CNTNAP2: variants seen among roughly 807,000 people sequenced by gnomAD.
CNTNAP2 encodes contactin-associated protein-like 2.
In CNTNAP2, 98 loss-of-function variants were observed where a neutral mutation model predicts 155.2. That is an observed-to-expected ratio of 0.63 (90% CI 0.54 to 0.75). The LOEUF is 0.75. Among genes scored for constraint, CNTNAP2 ranks in the 30% least tolerant of loss-of-function variants. The pLI is 0.00. For missense variants in CNTNAP2, 1,727 were observed against 1,688.1 expected, an observed-to-expected ratio of 1.02 and a Z score of -0.40; for synonymous variants, 651 against 631.2, an observed-to-expected ratio of 1.03 and a Z score of -0.47.
At chr7:147,443,588 G>GT (rs2116553794) in intron 10 of CNTNAP2, among the ~76,000 whole-genome samples, 1 of 152,274 alleles carries the variant, frequency 6.6e-6, no homozygotes, top group South Asian at 2.1e-4. Context: ...CGGTGTCCTA[G>GT]TAGGGGGATG....
At chr7:148,046,117 G>A (rs927643558) in intron 15 of CNTNAP2, among the ~76,000 whole-genome samples, 2 of 152,040 alleles carry the variant, frequency 1.3e-5, no homozygotes, top group African/African-American at 4.8e-5. Context: ...GTCTCACTCT[G>A]TTGCCCAGGC....
chr7:146,526,771 C>T (rs752374960), intron 1 of CNTNAP2, among the ~76,000 whole-genome samples: 7 of 152,028 alleles, frequency 4.6e-5, no homozygotes, highest in African/African-American at 7.2e-5. Flanking sequence ...AAACATTTTG[C>T]CATATTTCAA....
intron 14 of CNTNAP2, among the ~76,000 whole-genome samples, chr7:147,963,735 G>A (rs1032599062): frequency 3.3e-5 from 5 of 152,052 alleles, no homozygotes; most frequent in African/African-American, 9.7e-5. Flanking sequence ...ATAAGCCAAC[G>A]ATGCTGTTTC....
At chr7:146,999,758 G>C (rs2129240640) in intron 3 of CNTNAP2, among the ~76,000 whole-genome samples, 1 of 152,102 alleles carries the variant, frequency 6.6e-6, no homozygotes, top group Non-Finnish European at 1.5e-5. Flanking sequence ...TGGCTTATTA[G>C]AGCTCTCGTC....
In CNTNAP2 at chr7:147,949,060, G is replaced by A. The variant is rs187564445; in HGVS notation, c.2256-28802G>A. Among the ~76,000 whole-genome samples the A allele has an allele frequency of 3.1e-3, 467 of 151,966 alleles. 1 individual carries two copies. Among genetic ancestry groups the A allele is most frequent in the Middle Eastern group, 0.01 (3 of 294 alleles). On this transcript the variant is annotated intron_variant, in intron 14 of 23. Coordinates refer to ENST00000361727, the MANE Select transcript of CNTNAP2 (RefSeq NM_014141.6). ...CTACTAAAAATACAAAATTAGCTGG[G>A]TGTGGTGGTGGATGCCTGTAATCCC... is the stretch of plus-strand genomic sequence containing the variant.
At chr7:146,188,629 T>G (rs1798656828) in intron 1 of CNTNAP2, among the ~76,000 whole-genome samples, 1 of 152,224 alleles carries the variant, frequency 6.6e-6, no homozygotes, top group Non-Finnish European at 1.5e-5. Flanking sequence ...AAGTAATATG[T>G]CATTTCAGGT....
chr7:147,253,231 T>C (rs371270372), intron 8 of CNTNAP2, among the ~76,000 whole-genome samples: 3 of 152,136 alleles, frequency 2.0e-5, no homozygotes, highest in East Asian at 3.9e-4. Flanking sequence ...GATTGGAGCA[T>C]AGGCACTGTG....
At chr7:146,815,232 A>G (rs1803142279) in intron 2 of CNTNAP2, among the ~76,000 whole-genome samples, 1 of 152,160 alleles carries the variant, frequency 6.6e-6, no homozygotes, top group Non-Finnish European at 1.5e-5. Flanking sequence ...AACAATTTCA[A>G]TAATTCAGTA....
chr7:147,603,975 G>A (rs910398052), intron 12 of CNTNAP2, among the ~76,000 whole-genome samples: 1 of 151,746 alleles, frequency 6.6e-6, no homozygotes, highest in Admixed American at 6.6e-5. Context: ...ATGGGGAAAG[G>A]ATTCCCTATT....
intron 1 of CNTNAP2, among the ~76,000 whole-genome samples, chr7:146,284,075 A>G (rs1800291416): frequency 1.3e-5 from 2 of 152,252 alleles, no homozygotes; most frequent in Non-Finnish European, 2.9e-5. Context: ...AAGCAATTTG[A>G]AATGTGAATT....
chr7:146,762,067 G>A (rs990512981), intron 1 of CNTNAP2, among the ~76,000 whole-genome samples: 1 of 151,740 alleles, frequency 6.6e-6, no homozygotes, highest in Admixed American at 6.6e-5. Flanking sequence ...CATACCCAGG[G>A]GACTAAATAT....
intron 1 of CNTNAP2, among the ~76,000 whole-genome samples, chr7:146,716,390 A>G (rs1801189756): frequency 6.6e-6 from 1 of 152,120 alleles, no homozygotes; most frequent in Admixed American, 6.6e-5. Context: ...CTCAAAACAA[A>G]ACAACTTGAG....
chr7:147,831,407 AC>A (rs1489445291), intron 13 of CNTNAP2, among the ~76,000 whole-genome samples: 3 of 152,226 alleles, frequency 2.0e-5, no homozygotes, highest in Non-Finnish European at 4.4e-5. Flanking sequence ...ATTTTGTGAC[AC>A]ATGATTTTTT....
At chr7:148,373,453 T>A (rs1015816571) in intron 21 of CNTNAP2, among the ~76,000 whole-genome samples, 1 of 152,068 alleles carries the variant, frequency 6.6e-6, no homozygotes, top group Non-Finnish European at 1.5e-5. Flanking sequence ...AGACTCAGTC[T>A]CAAAAAACAA....
chr7:147,416,952 A>AGTGGT (rs1362999614), intron 10 of CNTNAP2, among the ~76,000 whole-genome samples: 5 of 151,958 alleles, frequency 3.3e-5, no homozygotes, highest in Non-Finnish European at 1.5e-5. Flanking sequence ...AGCCTGGCAT[A>AGTGGT]GTGGTGTGCA....
intron 13 of CNTNAP2, among the ~76,000 whole-genome samples, chr7:147,813,754 A>T (rs1798217913): frequency 6.6e-6 from 1 of 152,216 alleles, no homozygotes; most frequent in Non-Finnish European, 1.5e-5. Flanking sequence ...CACGGAGGAA[A>T]ATCTCACTTC....
intron 3 of CNTNAP2, chr7:146,915,881 A>G (rs895572772): frequency 6.6e-6 from 1 of 152,134 alleles, no homozygotes; most frequent in Non-Finnish European, 1.5e-5. Context: ...GAAAGTGGGC[A>G]TCCTTGCCTT....
chr7:147,813,612 C>T (rs1798215580), intron 13 of CNTNAP2, among the ~76,000 whole-genome samples: 1 of 152,170 alleles, frequency 6.6e-6, no homozygotes. Flanking sequence ...CAAAAAAAGT[C>T]TCTCTAGAAA....
chr7:147,602,596 G>A (rs564597004), intron 12 of CNTNAP2, among the ~76,000 whole-genome samples: 1,538 of 150,198 alleles, frequency 0.01, 41 homozygotes, highest in African/African-American at 0.036. Context: ...CCATTAACTC[G>A]TCATTTAACA....
Sources: gnomAD v4.1 joint callset for allele counts (sites outside exome capture counted in the v4.1 genomes callset) on GRCh38, gnomAD v4.1.1 for gene constraint, MANE v1.5 for transcripts, NCBI Gene and HGNC (gene_info 2026-07-23, HGNC 2026-07-21) for gene names.